CBFA2T2: variants seen among roughly 807,000 people sequenced by gnomAD.
CBFA2T2 encodes the protein CBFA2/RUNX1 partner transcriptional co-repressor 2.
CBFA2T2 carries 11 observed loss-of-function variants against 62.2 expected under a neutral mutation model. That is an observed-to-expected ratio of 0.18 (90% CI 0.11 to 0.29). The LOEUF (loss-of-function observed/expected upper bound fraction) is 0.29, where lower values mean the gene tolerates loss of function less well. Ranked by LOEUF, CBFA2T2 falls within the 10% of genes least tolerant of loss-of-function variation. The pLI, the probability that CBFA2T2 is intolerant of heterozygous loss-of-function variation, is 1.00. For synonymous variants in CBFA2T2, 295 were observed against 287.5 expected, an observed-to-expected ratio of 1.03 and a Z score of -0.27; for missense variants, 592 against 774.1, an observed-to-expected ratio of 0.76 and a Z score of 2.79.
chr20:33,584,327 G>T (rs1432727883), intron 1 of CBFA2T2, among the ~76,000 whole-genome samples: 2 of 145,644 alleles, frequency 1.4e-5, no homozygotes, highest in Non-Finnish European at 3.0e-5. Flanking sequence ...ATACAGTGAT[G>T]CGATCTTGGC....
intron 1 of CBFA2T2, among the ~76,000 whole-genome samples, chr20:33,502,726 T>C: frequency 6.7e-6 from 1 of 150,248 alleles, no homozygotes; most frequent in Admixed American, 6.6e-5. Flanking sequence ...TCTTACCCTC[T>C]TCTTGGAATC....
chr20:33,579,508 T>C (rs2014006466), intron 1 of CBFA2T2, among the ~76,000 whole-genome samples: 1 of 152,004 alleles, frequency 6.6e-6, no homozygotes, highest in African/African-American at 2.4e-5. Context: ...ATTCTTTTTG[T>C]AGAAATTTTA....
intron 1 of CBFA2T2, among the ~76,000 whole-genome samples, chr20:33,601,266 TTTTG>T (rs957780538): frequency 1.3e-5 from 2 of 151,790 alleles, no homozygotes; most frequent in East Asian, 1.9e-4. Context: ...TGTTGTTGTT[TTTTG>T]TTTGTTTGTT....
intron 1 of CBFA2T2, among the ~76,000 whole-genome samples, chr20:33,575,168 T>C (rs984595709): frequency 6.6e-6 from 1 of 152,262 alleles, no homozygotes; most frequent in Admixed American, 6.5e-5. Context: ...GTTATTTTTC[T>C]TTCAGGATAT....
chr20:33,541,698 A>G (rs2012413249), intron 1 of CBFA2T2, among the ~76,000 whole-genome samples: 1 of 152,186 alleles, frequency 6.6e-6, no homozygotes, highest in African/African-American at 2.4e-5. Flanking sequence ...TCTGAACTCA[A>G]AATTCTCCTA....
At chr20:33,620,088 A>T (rs1483425975) in intron 4 of CBFA2T2, among the ~76,000 whole-genome samples, 1 of 152,200 alleles carries the variant, frequency 6.6e-6, no homozygotes, top group East Asian at 1.9e-4. Flanking sequence ...GTTTCTAAAG[A>T]TGTCTTCTGC....
At chr20:33,609,501 C>CT (rs1384822041) in intron 2 of CBFA2T2, among the ~76,000 whole-genome samples, 1 of 151,370 alleles carries the variant, frequency 6.6e-6, no homozygotes, top group Admixed American at 6.6e-5. Context: ...GACTCGGTCT[C>CT]TAAAAAAAAA....
chr20:33,572,653 G>T (rs968604742), intron 1 of CBFA2T2, among the ~76,000 whole-genome samples: 1 of 152,168 alleles, frequency 6.6e-6, no homozygotes, highest in African/African-American at 2.4e-5. Flanking sequence ...TATGTTCAAA[G>T]AATAGAAAAA....
At chr20:33,510,791 G>T (rs939547881) in intron 1 of CBFA2T2, among the ~76,000 whole-genome samples, 2 of 152,140 alleles carry the variant, frequency 1.3e-5, no homozygotes, top group South Asian at 2.1e-4. Context: ...ATCCTCTCCA[G>T]CATCTGTTGT....
intron 1 of CBFA2T2, among the ~76,000 whole-genome samples, chr20:33,528,498 C>G (rs1409610372): frequency 6.6e-6 from 1 of 152,176 alleles, no homozygotes; most frequent in East Asian, 1.9e-4. Flanking sequence ...CTATTTTTCT[C>G]TCTTTTTTGA....
intron 1 of CBFA2T2, among the ~76,000 whole-genome samples, chr20:33,490,878 G>C (rs946756691): frequency 2.9e-4 from 44 of 152,194 alleles, no homozygotes; most frequent in Non-Finnish European, 1.2e-4. Context: ...CCAGTAAAAC[G>C]CTTGACACCG....
chr20:33,565,154 C>T (rs1223759028), intron 1 of CBFA2T2, among the ~76,000 whole-genome samples: 1 of 151,882 alleles, frequency 6.6e-6, no homozygotes, highest in South Asian at 2.1e-4. Flanking sequence ...CTCCTGACCT[C>T]ATGATCTGCC....
At chr20:33,640,584 C>A in intron 10 of CBFA2T2, 53 bp downstream of exon 10, 4 of 1,519,136 alleles carry the variant, frequency 2.6e-6, no homozygotes, top group South Asian at 1.2e-5. Flanking sequence ...TGACCACGCC[C>A]GCTGCCTTCC....
intron 1 of CBFA2T2, among the ~76,000 whole-genome samples, chr20:33,595,149 C>T (rs770431418): frequency 2.8e-4 from 43 of 152,220 alleles, no homozygotes; most frequent in Non-Finnish European, 4.8e-4. Flanking sequence ...ACCCTCAGCA[C>T]GTAGTGCTGT....
At chr20:33,623,374 T>C (rs1232821702) in intron 5 of CBFA2T2, 78 bp downstream of exon 5, 1 of 1,527,430 alleles carries the variant, frequency 6.5e-7, no homozygotes, top group Non-Finnish European at 9.0e-7. Flanking sequence ...AGAGAGAGAA[T>C]TTGATTGCTG....
chr20:33,592,578 C>T (rs939577637), intron 1 of CBFA2T2, among the ~76,000 whole-genome samples: 5 of 151,656 alleles, frequency 3.3e-5, no homozygotes, highest in African/African-American at 7.3e-5. Flanking sequence ...CATGCAACAT[C>T]GCCAGGCATT....
chr20:33,491,051 TCTTA>T lies in CBFA2T2; in HGVS notation c.34+754_34+757del, dbSNP rs1241457435. ...TCCTGCTCCATGATCTAATTGTTAT[TCTTA>T]CTTCCATTTAGCCATTCCAGTATTT... is the stretch of plus-strand genomic sequence containing the variant. On this transcript the variant is annotated intron_variant, in intron 1 of 10. Transcript: ENST00000342704. Among the ~76,000 whole-genome samples, 6 of 152,342 alleles carry T rather than the reference TCTTA, an allele frequency of 3.9e-5. No homozygotes were observed. The South Asian group carries it at 6.2e-4, about 16-fold the overall frequency.
intron 1 of CBFA2T2, among the ~76,000 whole-genome samples, chr20:33,497,226 T>A (rs960742704): frequency 6.3e-5 from 8 of 126,734 alleles, no homozygotes; most frequent in Non-Finnish European, 7.8e-5. Flanking sequence ...TGAGCAGAGA[T>A]CACGCCATTG....
At chr20:33,562,895 G>T (rs2013142438) in intron 1 of CBFA2T2, among the ~76,000 whole-genome samples, 1 of 152,204 alleles carries the variant, frequency 6.6e-6, no homozygotes, top group Non-Finnish European at 1.5e-5. Context: ...TTGAATGCAA[G>T]GTTTACTTAA....
Sources: gnomAD v4.1 joint callset for allele counts (sites outside exome capture counted in the v4.1 genomes callset) on GRCh38, gnomAD v4.1.1 for gene constraint, MANE v1.5 for transcripts, NCBI Gene and HGNC (gene_info 2026-07-23, HGNC 2026-07-21) for gene names.